Variants in NANOS1 observed in about 807,000 individuals in gnomAD.
The protein encoded by NANOS1 is nanos C2HC-type zinc finger 1.
In NANOS1, 1 loss-of-function variant was observed where a neutral mutation model predicts 1.1. The ratio of observed to expected loss-of-function variants is 0.88; its 90% confidence interval spans 0.31 to 4.20. The LOEUF (loss-of-function observed/expected upper bound fraction) is 4.20. Among genes scored for constraint, NANOS1 ranks in the 30% most tolerant of loss-of-function variants. The pLI, the probability that NANOS1 is intolerant of heterozygous loss-of-function variation, is 0.17. For synonymous variants in NANOS1, 252 were observed against 230.6 expected, an observed-to-expected ratio of 1.09 and a Z score of -0.84; for missense variants, 537 against 457.9, an observed-to-expected ratio of 1.17 and a Z score of -1.58.
chr10:119,029,955 C>T lies in NANOS1; in HGVS notation c.154C>T (p.Leu52Phe). 3 of 1,435,604 alleles carry T rather than the reference C, an allele frequency of 2.1e-6. No homozygotes were observed. The allele number at this position is 1,435,604 out of a possible 1,614,324, so 88.9% of individuals were successfully genotyped here. ...GAACGACTACCTGGGGCTCGCCACG[C>T]TCATCACCAAAGCGGTGGACGGCGA... Reference protein sequence around the residue: ...SWNDYLGLATLITKAVDGEPR... With the variant: ...SWNDYLGLATFITKAVDGEPR... The change falls in exon 1 of 1, where the codon CTC (leucine) becomes TTC (phenylalanine). Residue 52 changes from leucine to phenylalanine, a missense_variant. By Grantham distance (22) the Leu-to-Phe change is conservative (BLOSUM62 0). Coordinates refer to ENST00000425699, the MANE Select transcript of NANOS1 (RefSeq NM_199461.4).
Position 119,030,804 on chromosome 10 carries a change from C to G in NANOS1, c.*124C>G. ...GGTCGGCTCGACATGGGACGTCGTC[C>G]TGGTGGTTTTTGAAAAGCAGCCGAC... On this transcript the variant is annotated 3_prime_UTR_variant, in exon 1 of 1. Coordinates refer to ENST00000425699, the MANE Select transcript of NANOS1 (RefSeq NM_199461.4). The surrounding 1 kb of genome is among the most constrained non-coding windows in gnomAD (Gnocchi z 5.3). The G allele has an allele frequency of 8.2e-7, 1 of 1,214,446 alleles. No individual in the cohort carries two copies. The highest frequency in any genetic ancestry group is 4.4e-5 in the Admixed American group (1 of 22,678). The allele number at this position is 1,214,446 out of a possible 1,614,324, so 75.2% of individuals were successfully genotyped here.
chr10:119,030,634 C>A lies in NANOS1; in HGVS notation c.833C>A (p.Pro278Gln). The change falls in exon 1 of 1, where the codon CCG becomes CAG. Residue 278 changes from proline to glutamine, a missense_variant. Physicochemically the swap from Pro to Gln is moderately conservative, Grantham distance 76. Transcript: ENST00000425699. This position sits in a 1 kb window ranked among gnomAD's most constrained non-coding sequence, Gnocchi z 5.3. ...SKVPPPPARP[P>Q]PRSARDGPPG... is the part of the protein sequence containing the mutation. ...GTGCCGCCGCCGCCCGCCCGCCCGC[C>A]GCCCCGCAGCGCCAGGGACGGCCCG... 1 of 1,438,562 alleles carries A rather than the reference C, an allele frequency of 7.0e-7. No homozygotes were observed. The highest frequency in any genetic ancestry group is 1.5e-5 in the South Asian group (1 of 66,228). The allele number at this position is 1,438,562 out of a possible 1,614,324, so 89.1% of individuals were successfully genotyped here.
rs1466222010 is a variant in NANOS1 at position 119,030,861 on chromosome 10, G to T, written c.*181G>T. 1 of 844,868 alleles carries T rather than the reference G, an allele frequency of 1.2e-6. No homozygotes were observed. Among genetic ancestry groups the T allele is most frequent in the Non-Finnish European group, 1.6e-6 (1 of 629,758 alleles). The allele number at this position is 844,868 out of a possible 1,614,324, so 52.3% of individuals were successfully genotyped here. A position where few individuals can be genotyped will look rare whatever the true frequency, so the allele number is the denominator to read the frequency against. On this transcript the variant is annotated 3_prime_UTR_variant, in exon 1 of 1. Coordinates refer to ENST00000425699, the MANE Select transcript of NANOS1 (RefSeq NM_199461.4). The surrounding 1 kb of genome is among the most constrained non-coding windows in gnomAD (Gnocchi z 5.3). ...GAGTACTTCCGTGCTGAACGATTGG[G>T]ACTAGACGCTGAAATCCCCATTTGT...
In NANOS1 at chr10:119,030,881, A is replaced by G. The variant is rs1363386621; in HGVS notation, c.*201A>G. The G allele has an allele frequency of 5.6e-6, 4 of 719,058 alleles. No individual in the cohort carries two copies. The highest frequency in any genetic ancestry group is 4.6e-5 in the Admixed American group (1 of 21,740). The allele number at this position is 719,058 out of a possible 1,614,324, so 44.5% of individuals were successfully genotyped here. A position where few individuals can be genotyped will look rare whatever the true frequency, so the allele number is the denominator to read the frequency against. ...ATTGGGACTAGACGCTGAAATCCCC[A>G]TTTGTCTTCAGTTTCTAGTTTGCAC... is the stretch of plus-strand genomic sequence containing the variant. On this transcript the variant is annotated 3_prime_UTR_variant, in exon 1 of 1. Transcript: ENST00000425699. The surrounding 1 kb of genome is among the most constrained non-coding windows in gnomAD (Gnocchi z 5.3).
rs1161065265 is a variant in NANOS1 at position 119,030,015 on chromosome 10, G to C, written c.214G>C (p.Gly72Arg). 2 of 1,403,892 alleles carry C rather than the reference G, an allele frequency of 1.4e-6. No individual in the cohort carries two copies. The highest frequency in any genetic ancestry group is 1.9e-6 in the Non-Finnish European group (2 of 1,078,028). The allele number at this position is 1,403,892 out of a possible 1,614,324, so 87.0% of individuals were successfully genotyped here. A position where few individuals can be genotyped will look rare whatever the true frequency, so the allele number is the denominator to read the frequency against. ...CGGCTGCGCCCGCGGTGGGAACGGC[G>C]GCGGCGGCTCCCCGCCCTCCTCCTC... is the stretch of plus-strand genomic sequence containing the variant. ...RFGCARGGNG[G>R]GGSPPSSSSS... The change falls in exon 1 of 1, where the codon GGC becomes CGC. Residue 72 changes from glycine to arginine, a missense_variant. Gly to Arg is a moderately radical substitution (Grantham distance 125). Transcript: ENST00000425699. The surrounding 1 kb of genome is among the most constrained non-coding windows in gnomAD (Gnocchi z 5.3).
chr10:119,029,896 CG>C lies in NANOS1; in HGVS notation c.98del (p.Gly33AlafsTer119). 7.3e-7 allele frequency: 1 copy of C among 1,379,152 alleles called. No individual in the cohort carries two copies. The highest frequency in any genetic ancestry group is 9.4e-7 in the Non-Finnish European group (1 of 1,062,212). The allele number at this position is 1,379,152 out of a possible 1,614,324, so 85.4% of individuals were successfully genotyped here. On this transcript the variant is annotated frameshift_variant, in exon 1 of 1. Coordinates refer to ENST00000425699, the MANE Select transcript of NANOS1 (RefSeq NM_199461.4). LOFTEE classifies it high-confidence loss of function. Reference protein sequence around the residue: ...LVPSARYVSAPGPAHPQPFSS... With the variant: ...LVPSARYVSAXGPAHPQPFSS... ...CCCAGCGCCCGCTACGTGAGCGCCCCGGGCCCGGCGCACCCGCAGCCCTTCA... is the reference window on the plus strand; with the variant it reads ...CCCAGCGCCCGCTACGTGAGCGCCCCGGCCCGGCGCACCCGCAGCCCTTCA...
At position 119,030,493 on chromosome 10, in the gene NANOS1, T is replaced by G; in HGVS notation, c.692T>G (p.Ile231Ser). The change falls in exon 1 of 1, where the codon ATC becomes AGC. Residue 231 changes from isoleucine (I) to serine (S), a missense_variant. By Grantham distance (142) the Ile-to-Ser change is moderately radical. Coordinates refer to ENST00000425699, the MANE Select transcript of NANOS1 (RefSeq NM_199461.4). This position sits in a 1 kb window ranked among gnomAD's most constrained non-coding sequence, Gnocchi z 5.3. ...GCGATGGCGCTCTACACCACCCATATCCTCAAGGGCCCCGACGGGCGAGTG... is the reference window on the plus strand; with the variant it reads ...GCGATGGCGCTCTACACCACCCATAGCCTCAAGGGCCCCGACGGGCGAGTG... Reference protein sequence around the residue: ...KEAMALYTTHILKGPDGRVLC... With the variant: ...KEAMALYTTHSLKGPDGRVLC... The G allele has an allele frequency of 1.3e-6, 2 of 1,509,870 alleles. No individual in the cohort carries two copies. Among genetic ancestry groups the G allele is most frequent in the Non-Finnish European group, 1.8e-6 (2 of 1,131,520 alleles). 93.5% of individuals were successfully genotyped at this position (1,509,870 alleles called of 1,614,324 possible).
chr10:119,029,976 G>T lies in NANOS1; in HGVS notation c.175G>T (p.Gly59Cys). Residue 59 changes from glycine (G) to cysteine (C), a missense_variant, in exon 1 of 1, where the codon GGC (glycine) becomes TGC (cysteine). Physicochemically the swap from Gly to Cys is radical, Grantham distance 159 (BLOSUM62 -3). Transcript: ENST00000425699. ...CACGCTCATCACCAAAGCGGTGGACGGCGAGCCGCGCTTCGGCTGCGCCCG... is the reference window on the plus strand; with the variant it reads ...CACGCTCATCACCAAAGCGGTGGACTGCGAGCCGCGCTTCGGCTGCGCCCG... ...LATLITKAVDGEPRFGCARGG... is the reference protein window; with the variant it reads ...LATLITKAVDCEPRFGCARGG... 7.1e-7 allele frequency: 1 copy of T among 1,412,192 alleles called. No individual in the cohort carries two copies. Among genetic ancestry groups the T allele is most frequent in the Non-Finnish European group, 9.2e-7 (1 of 1,083,470 alleles). The allele number at this position is 1,412,192 out of a possible 1,614,324, so 87.5% of individuals were successfully genotyped here.
Position 119,030,652 on chromosome 10 carries a change from AC to A in NANOS1, c.852del (p.Asp284GlufsTer67). On this transcript the variant is annotated frameshift_variant, in exon 1 of 1. Transcript: ENST00000425699. LOFTEE classifies it high-confidence loss of function. This position sits in a 1 kb window ranked among gnomAD's most constrained non-coding sequence, Gnocchi z 5.3. Reference protein sequence around the residue: ...PARPPPRSARDGPPGKKLR With the variant: ...PARPPPRSARXGPPGKKLR ...CGCCCGCCGCCCCGCAGCGCCAGGG[AC>A]GGCCCGCCTGGCAAGAAGCTGCGCT... is the stretch of plus-strand genomic sequence containing the variant. 1 of 1,398,914 alleles carries A rather than the reference AC, an allele frequency of 7.1e-7. No homozygotes were observed. Among genetic ancestry groups the A allele is most frequent in the Non-Finnish European group, 9.3e-7 (1 of 1,074,902 alleles). The allele number at this position is 1,398,914 out of a possible 1,614,324, so 86.7% of individuals were successfully genotyped here.
chr10:119,031,030 C>T lies in NANOS1; in HGVS notation c.*350C>T. 1 of 236,516 alleles carries T rather than the reference C, an allele frequency of 4.2e-6. No individual in the cohort carries two copies. The allele number at this position is 236,516 out of a possible 1,614,324, so 14.7% of individuals were successfully genotyped here. On this transcript the variant is annotated 3_prime_UTR_variant, in exon 1 of 1. Transcript: ENST00000425699. ...CGCATCAGTATGAAATTGTCTCAATCTTGGATGTTTCATTTTATGAATGGA... is the reference window on the plus strand; with the variant it reads ...CGCATCAGTATGAAATTGTCTCAATTTTGGATGTTTCATTTTATGAATGGA...
In NANOS1 at chr10:119,031,468, T is replaced by C. The variant is rs144671090; in HGVS notation, c.*788T>C. 24 of 167,230 alleles carry C rather than the reference T, an allele frequency of 1.4e-4. No individual in the cohort carries two copies. The highest frequency in any genetic ancestry group is 5.5e-4 in the African/African-American group (23 of 41,576). The allele number at this position is 167,230 out of a possible 1,614,324, so 10.4% of individuals were successfully genotyped here. ...AATCATATTGTGTATAACTTGGAAA[T>C]GGTGCTGTTTAAAAAAATTGTGTAT... On this transcript the variant is annotated 3_prime_UTR_variant, in exon 1 of 1. Transcript: ENST00000425699.
Position 119,030,633 on chromosome 10 carries a change from C to T in NANOS1, c.832C>T (p.Pro278Ser). 6.9e-7 allele frequency: 1 copy of T among 1,447,804 alleles called. No individual in the cohort carries two copies. Among genetic ancestry groups the T allele is most frequent in the Non-Finnish European group, 9.1e-7 (1 of 1,099,272 alleles). 89.7% of individuals were successfully genotyped at this position (1,447,804 alleles called of 1,614,324 possible). Residue 278 changes from proline to serine, a missense_variant, in exon 1 of 1, where the codon CCG (proline) becomes TCG (serine). Physicochemically the swap from Pro to Ser is moderately conservative, Grantham distance 74. Coordinates refer to ENST00000425699, the MANE Select transcript of NANOS1 (RefSeq NM_199461.4). The surrounding 1 kb of genome is among the most constrained non-coding windows in gnomAD (Gnocchi z 5.3). ...AGTGCCGCCGCCGCCCGCCCGCCCG[C>T]CGCCCCGCAGCGCCAGGGACGGCCC... ...SKVPPPPARP[P>S]PRSARDGPPG...
chr10:119,030,944 C>CT lies in NANOS1; in HGVS notation c.*265dup. 2 of 393,312 alleles carry CT rather than the reference C, an allele frequency of 5.1e-6. No individual in the cohort carries two copies. Among genetic ancestry groups the CT allele is most frequent in the Non-Finnish European group, 8.9e-6 (2 of 224,964 alleles). The allele number at this position is 393,312 out of a possible 1,614,324, so 24.4% of individuals were successfully genotyped here. The stretch of plus-strand genomic sequence containing the variant: ...GAAGGCTGGGTGTGTATTCCACTAA[C>CT]TGAAATATGGCAACTTAGAGGCGCT... On this transcript the variant is annotated 3_prime_UTR_variant, in exon 1 of 1. Transcript: ENST00000425699. This position sits in a 1 kb window ranked among gnomAD's most constrained non-coding sequence, Gnocchi z 5.3.
At position 119,033,340 on chromosome 10, in the gene NANOS1, C is replaced by T. The variant is rs1303001609; in HGVS notation, c.*2660C>T. On this transcript the variant is annotated 3_prime_UTR_variant, in exon 1 of 1. Coordinates refer to ENST00000425699, the MANE Select transcript of NANOS1 (RefSeq NM_199461.4). ...CTCTTATGAAAAGTATATGTAAACACATTCATTTAAAAATCCTTGGAACTC... is the reference window on the plus strand; with the variant it reads ...CTCTTATGAAAAGTATATGTAAACATATTCATTTAAAAATCCTTGGAACTC... 6.0e-6 allele frequency: 1 copy of T among 167,078 alleles called. No homozygotes were observed. The highest frequency in any genetic ancestry group is 1.9e-4 in the East Asian group (1 of 5,206). The allele number at this position is 167,078 out of a possible 1,614,324, so 10.3% of individuals were successfully genotyped here.
chr10:119,030,351 G>A lies in NANOS1; in HGVS notation c.550G>A (p.Glu184Lys), dbSNP rs943308448. 5 of 1,142,334 alleles carry A rather than the reference G, an allele frequency of 4.4e-6. No individual in the cohort carries two copies. In the South Asian group the frequency reaches 1.7e-4, roughly 39 times the overall value. 70.8% of individuals were successfully genotyped at this position (1,142,334 alleles called of 1,614,324 possible). A position where few individuals can be genotyped will look rare whatever the true frequency, so the allele number is the denominator to read the frequency against. The change falls in exon 1 of 1, where the codon GAG (glutamate) becomes AAG (lysine). Residue 184 changes from glutamate (E) to lysine (K), a missense_variant. Physicochemically the swap from Glu to Lys is moderately conservative, Grantham distance 56 (BLOSUM62 1). Transcript: ENST00000425699. The surrounding 1 kb of genome is among the most constrained non-coding windows in gnomAD (Gnocchi z 5.3). ...CACCAGCGAGGCGACGCCGCGCGAG[G>A]AGCGGGCCCCGGCGTGGGCGGCCGA... The part of the protein sequence containing the change: ...TTTSEATPRE[E>K]RAPAWAAEPR...
rs1848035158 is a variant in NANOS1 at position 119,030,737 on chromosome 10, C to A, written c.*57C>A. The A allele has an allele frequency of 4.0e-6, 5 of 1,252,042 alleles. No homozygotes were observed. Among genetic ancestry groups the A allele is most frequent in the Non-Finnish European group, 5.0e-6 (5 of 994,402 alleles). 77.6% of individuals were successfully genotyped at this position (1,252,042 alleles called of 1,614,324 possible). On this transcript the variant is annotated 3_prime_UTR_variant, in exon 1 of 1. Coordinates refer to ENST00000425699, the MANE Select transcript of NANOS1 (RefSeq NM_199461.4). This position sits in a 1 kb window ranked among gnomAD's most constrained non-coding sequence, Gnocchi z 5.3. Reference sequence around the variant, plus strand: ...GCCGCCCCTCGCACCGCTAGGTCTGCGCACCATCTCGCCCCCGCCGTGGGG... The same window carrying A: ...GCCGCCCCTCGCACCGCTAGGTCTGAGCACCATCTCGCCCCCGCCGTGGGG...
chr10:119,033,481 G>A lies in NANOS1; in HGVS notation c.*2801G>A, dbSNP rs1220845906. 1 of 167,026 alleles carries A rather than the reference G, an allele frequency of 6.0e-6. No homozygotes were observed. The highest frequency in any genetic ancestry group is 6.5e-5 in the Admixed American group (1 of 15,284). 10.3% of individuals were successfully genotyped at this position (167,026 alleles called of 1,614,324 possible). A position where few individuals can be genotyped will look rare whatever the true frequency, so the allele number is the denominator to read the frequency against. ...CTTCATAAGAACATGCTGCATACTT[G>A]CCTAGTAGCAAAACAATACAGGGAA... On this transcript the variant is annotated 3_prime_UTR_variant, in exon 1 of 1. Coordinates refer to ENST00000425699, the MANE Select transcript of NANOS1 (RefSeq NM_199461.4).
At position 119,033,259 on chromosome 10, in the gene NANOS1, CAATG is replaced by C. The variant is rs1176514400; in HGVS notation, c.*2583_*2586del. The C allele has an allele frequency of 6.0e-6, 1 of 167,094 alleles. No individual in the cohort carries two copies. Among genetic ancestry groups the C allele is most frequent in the Non-Finnish European group, 1.5e-5 (1 of 68,130 alleles). 10.4% of individuals were successfully genotyped at this position (167,094 alleles called of 1,614,324 possible). A position where few individuals can be genotyped will look rare whatever the true frequency, so the allele number is the denominator to read the frequency against. On this transcript the variant is annotated 3_prime_UTR_variant, in exon 1 of 1. Coordinates refer to ENST00000425699, the MANE Select transcript of NANOS1 (RefSeq NM_199461.4). Reference sequence around the variant, plus strand: ...AAATTTGCCTAGGTTTTCCAGCTGACAATGAATACTGGGAGTTAAAACGCAGAGT... The same window carrying C: ...AAATTTGCCTAGGTTTTCCAGCTGACAATACTGGGAGTTAAAACGCAGAGT...
rs1218040800 is a variant in NANOS1, at chr10:119,029,821, C to G, written c.20C>G (p.Ala7Gly). The G allele has an allele frequency of 8.7e-7, 1 of 1,154,836 alleles. No homozygotes were observed. Among genetic ancestry groups the G allele is most frequent in the South Asian group, 4.2e-5 (1 of 23,972 alleles). The allele number at this position is 1,154,836 out of a possible 1,614,324, so 71.5% of individuals were successfully genotyped here. ...CCGCCCATGGAGGCTTTCCCCTGGG[C>G]GCCCCGCTCGCCCCGCCGCGGCCGC... MEAFPW[A>G]PRSPRRGRAP... Residue 7 changes from alanine to glycine, a missense_variant, in exon 1 of 1, where the codon GCG (alanine) becomes GGG (glycine). By Grantham distance (60) the Ala-to-Gly change is moderately conservative. Coordinates refer to ENST00000425699, the MANE Select transcript of NANOS1 (RefSeq NM_199461.4).
Sources: allele counts gnomAD v4.1 joint callset, GRCh38; gene constraint gnomAD v4.1.1; non-coding constraint Gnocchi (gnomAD v3.1); transcripts MANE v1.5; gene names NCBI Gene and HGNC (gene_info 2026-07-23, HGNC 2026-07-21).